Variants in KAT6B observed in about 807,000 individuals in gnomAD.
The protein encoded by KAT6B is histone acetyltransferase KAT6B.
Under a neutral mutation model 187.5 loss-of-function variants are expected in KAT6B, and 10 were observed. That is an observed-to-expected ratio of 0.05 (90% CI 0.03 to 0.09). The LOEUF is 0.09. Among genes scored for constraint, KAT6B ranks in the 10% least tolerant of loss-of-function variants. The pLI is 1.00. For missense variants in KAT6B, 1,952 were observed against 2,558.9 expected (o/e 0.76, Z 5.12); for synonymous variants, 861 against 926.8 (o/e 0.93, Z 1.29).
intron 3 of KAT6B, among the ~76,000 whole-genome samples, chr10:74,871,184 C>T (rs1589516661): frequency 8.1e-6 from 1 of 123,966 alleles, no homozygotes; most frequent in East Asian, 2.6e-4. Flanking sequence ...CCAAGCCTGG[C>T]CTTTTTTTTT....
upstream of KAT6B, among the ~76,000 whole-genome samples, chr10:74,824,975 G>A (rs1214534158): frequency 6.6e-6 from 1 of 152,092 alleles, no homozygotes; most frequent in African/African-American, 2.4e-5. Context: ...CAGGCAGGGA[G>A]AGAGCATCCT....
intron 13 of KAT6B, among the ~76,000 whole-genome samples, chr10:75,008,057 A>C (rs991818482): frequency 6.6e-6 from 1 of 152,190 alleles, no homozygotes; most frequent in Non-Finnish European, 1.5e-5. Flanking sequence ...CATTCCTGTA[A>C]ATTTCACTTT....
At chr10:74,845,375 A>C (rs888898957) in intron 3 of KAT6B, among the ~76,000 whole-genome samples, 1 of 151,620 alleles carries the variant, frequency 6.6e-6, no homozygotes, top group African/African-American at 2.4e-5. Flanking sequence ...CAAAAAAATT[A>C]GGCAGGCGTG....
At position 74,870,376 on chromosome 10, in the gene KAT6B, C is replaced by T. The variant is rs368502465; in HGVS notation, c.621+26898C>T. ...GCCCAAGGGCAGATTGTCAAGATGG[C>T]AGACCTTGGTTTGCACTTTAGAGTT... On this transcript the variant is annotated intron_variant, in intron 3 of 17. Transcript: ENST00000287239. 2.6e-4 allele frequency among the ~76,000 whole-genome samples: 39 copies of T among 152,238 alleles called. No individual in the cohort carries two copies. The East Asian group carries it at 7.1e-3, about 28-fold the overall frequency.
At chr10:75,007,831 C>G (rs963691412) in intron 13 of KAT6B, among the ~76,000 whole-genome samples, 1 of 152,046 alleles carries the variant, frequency 6.6e-6, no homozygotes, top group Non-Finnish European at 1.5e-5. Flanking sequence ...AAAACTTACT[C>G]GATTTATTGG....
rs1849119504 is a variant in KAT6B, at chr10:74,934,711, ACT to A, written c.622-25256_622-25255del. 2.0e-5 allele frequency among the ~76,000 whole-genome samples: 3 copies of A among 151,720 alleles called. No individual in the cohort carries two copies. In the South Asian group the frequency reaches 6.3e-4, roughly 32 times the overall value. On this transcript the variant is annotated intron_variant, in intron 3 of 17. Transcript: ENST00000287239. ...TTCTCAAGAGCTATCGTTTTCTTAGACTCTGTTCTCTTTTTTTCCTTCTGTTC... is the reference window on the plus strand; with the variant it reads ...TTCTCAAGAGCTATCGTTTTCTTAGACTGTTCTCTTTTTTTCCTTCTGTTC...
At chr10:74,868,853 T>A (rs151009162) in intron 3 of KAT6B, among the ~76,000 whole-genome samples, 2 of 152,336 alleles carry the variant, frequency 1.3e-5, no homozygotes, top group Non-Finnish European at 2.9e-5. Flanking sequence ...CTCCCAGGGA[T>A]GTTCATTCAC....
intron 3 of KAT6B, among the ~76,000 whole-genome samples, chr10:74,889,126 AAGAC>A (rs1405009801): frequency 3.9e-5 from 6 of 152,220 alleles, no homozygotes; most frequent in African/African-American, 9.7e-5. Flanking sequence ...AAAGGACTCT[AAGAC>A]AGACATGGGA....
At position 75,032,444 on chromosome 10, in the gene KAT6B, G is replaced by C. The variant is rs1465907621; in HGVS notation, c.*1398G>C. The stretch of plus-strand genomic sequence containing the variant: ...GATTTTCTGATTTGTTTTGACTTTG[G>C]GGGAGGGGTTGGCAATAAATAAGAG... On this transcript the variant is annotated 3_prime_UTR_variant, in exon 18 of 18. Coordinates refer to ENST00000287239, the MANE Select transcript of KAT6B (RefSeq NM_012330.4). 1 of 187,640 alleles carries C rather than the reference G, an allele frequency of 5.3e-6. No homozygotes were observed. Among genetic ancestry groups the C allele is most frequent in the Non-Finnish European group, 1.1e-5 (1 of 88,940 alleles). 11.6% of individuals were successfully genotyped at this position (187,640 alleles called of 1,614,324 possible).
intron 3 of KAT6B, among the ~76,000 whole-genome samples, chr10:74,848,363 G>A (rs1309913015): frequency 2.0e-5 from 3 of 152,020 alleles, no homozygotes; most frequent in Admixed American, 1.3e-4. Flanking sequence ...TTTGGCTTGC[G>A]GCGTGGTGGC....
intron 13 of KAT6B, among the ~76,000 whole-genome samples, chr10:75,004,531 T>C (rs1329023443): frequency 1.3e-5 from 2 of 152,298 alleles, no homozygotes; most frequent in African/African-American, 4.8e-5. Context: ...GATGAGGACA[T>C]AAGGATGAAT....
At position 74,968,609 on chromosome 10, in the gene KAT6B, T is replaced by C. The variant is rs188769699; in HGVS notation, c.731-1051T>C. ...ATAAAACAGTTTTGAAATTGCAGAA[T>C]CTGCTTTTTTTTATTACCCCTCAGG... On this transcript the variant is annotated intron_variant, in intron 4 of 17. Transcript: ENST00000287239. Among the ~76,000 whole-genome samples, 7 of 152,326 alleles carry C rather than the reference T, an allele frequency of 4.6e-5. No homozygotes were observed. In the East Asian group the frequency reaches 1.2e-3, roughly 25 times the overall value.
At chr10:75,000,194 ACAAAG>A (rs1283767195) in intron 13 of KAT6B, among the ~76,000 whole-genome samples, 1 of 151,854 alleles carries the variant, frequency 6.6e-6, no homozygotes. Flanking sequence ...TTTTTTTAAA[ACAAAG>A]CAAAACAAAA....
intron 3 of KAT6B, among the ~76,000 whole-genome samples, chr10:74,925,981 T>G (rs1237769088): frequency 1.3e-5 from 2 of 152,174 alleles, no homozygotes; most frequent in African/African-American, 4.8e-5. Flanking sequence ...AAGATACAGA[T>G]AACTGCGCAG....
At chr10:74,870,007 C>T (rs546138485) in intron 3 of KAT6B, among the ~76,000 whole-genome samples, 3 of 152,190 alleles carry the variant, frequency 2.0e-5, no homozygotes, top group East Asian at 1.9e-4. Flanking sequence ...TGGCTGGGTG[C>T]AGTGGCTCAT....
chr10:74,847,939 A>T (rs1405160392), intron 3 of KAT6B, among the ~76,000 whole-genome samples: 1 of 136,048 alleles, frequency 7.4e-6, no homozygotes, highest in African/African-American at 2.8e-5. Flanking sequence ...TTTTTTTGAG[A>T]CATAGTTTCA....
At position 74,956,860 on chromosome 10, in the gene KAT6B, A is replaced by C. The variant is rs547164614; in HGVS notation, c.622-3110A>C. ...GATGTATTCATCTTTAGACTTATTC[A>C]TGAGCCTTCCTTCTTGGGATTAGTT... On this transcript the variant is annotated intron_variant, in intron 3 of 17. Transcript: ENST00000287239. Among the ~76,000 whole-genome samples the C allele has an allele frequency of 2.0e-3, 304 of 152,346 alleles. 3 individuals carry two copies. Among genetic ancestry groups the C allele is most frequent in the South Asian group, 0.017 (83 of 4,830 alleles).
intron 3 of KAT6B, among the ~76,000 whole-genome samples, chr10:74,919,702 C>G (rs1847973560): frequency 6.6e-6 from 1 of 152,130 alleles, no homozygotes; most frequent in Admixed American, 6.5e-5. Context: ...CCATACCCAG[C>G]CTGCTTCATC....
At chr10:75,007,454 T>A (rs796125504) in intron 13 of KAT6B, among the ~76,000 whole-genome samples, 3 of 152,072 alleles carry the variant, frequency 2.0e-5, no homozygotes, top group Non-Finnish European at 4.4e-5. Context: ...AAAATGACAT[T>A]AAGATTTTTT....
Sources: gnomAD v4.1 joint callset for allele counts (sites outside exome capture counted in the v4.1 genomes callset) on GRCh38, gnomAD v4.1.1 for gene constraint, MANE v1.5 for transcripts, NCBI Gene and HGNC (gene_info 2026-07-23, HGNC 2026-07-21) for gene names.